The following PKD2L2 variants were observed in gnomAD, a reference collection of about 807,000 sequenced individuals.
PKD2L2 encodes the protein polycystin-2-like protein 2.
A neutral mutation model predicts 83.9 loss-of-function variants in PKD2L2; 67 were observed. That is an observed-to-expected ratio of 0.80 (90% confidence interval 0.66 to 0.98). PKD2L2 has a LOEUF of 0.98. PKD2L2 is among the 50% of genes least tolerant of loss of function. The pLI, the probability that PKD2L2 is intolerant of heterozygous loss-of-function variation, is 0.00. For synonymous variants in PKD2L2, 223 were observed against 237.8 expected (o/e 0.94, Z 0.57); for missense variants, 632 against 717.2 (o/e 0.88, Z 1.36).
chr5:137,908,815 CT>C lies in PKD2L2; in HGVS notation c.1199del (p.Leu400CysfsTer8), dbSNP rs1214156230. On this transcript the variant is annotated frameshift_variant, in exon 8 of 15. Coordinates refer to ENST00000508883, the MANE Select transcript of PKD2L2 (RefSeq NM_001300921.2). LOFTEE classifies it high-confidence loss of function. ...NKTMSQLSSTLSRCVKDIVGF... is the reference protein window; with the variant it reads ...NKTMSQLSSTXSRCVKDIVGF... ...AGACAATGTCTCAGCTGTCATCAACCTTGTCCCGTTGTGTTAAAGACATAGT... is the reference window on the plus strand; with the variant it reads ...AGACAATGTCTCAGCTGTCATCAACCTGTCCCGTTGTGTTAAAGACATAGT... 7.5e-6 allele frequency: 12 copies of C among 1,595,070 alleles called. No homozygotes were observed. The highest frequency in any genetic ancestry group is 1.7e-6 in the Non-Finnish European group (2 of 1,165,236).
rs191748428 is a variant in PKD2L2, at chr5:137,939,876, G to A, written c.*18-2508G>A. ...TTTCTTCAGTAATGAGAAACAAAAA[G>A]TTGGTAATAACAAAAAGCTTGCATT... On this transcript the variant is annotated intron_variant, in intron 14 of 14. Transcript: ENST00000508883. 1.2e-4 allele frequency: 154 copies of A among 1,333,182 alleles called. No homozygotes were observed. In the East Asian group the frequency reaches 3.8e-3, roughly 33 times the overall value. 82.6% of individuals were successfully genotyped at this position (1,333,182 alleles called of 1,614,324 possible). A position where few individuals can be genotyped will look rare whatever the true frequency, so the allele number is the denominator to read the frequency against.
chr5:137,892,681 G>A, intron 3 of PKD2L2, 68 bp downstream of exon 3: 1 of 1,167,464 alleles, frequency 8.6e-7, no homozygotes, highest in Non-Finnish European at 1.2e-6. Context: ...ATACACAGTG[G>A]GCACTCAATG....
chr5:137,941,306 G>A (rs1025311029), intron 14 of PKD2L2, among the ~76,000 whole-genome samples: 7 of 152,132 alleles, frequency 4.6e-5, no homozygotes, highest in African/African-American at 1.7e-4. Context: ...TGTAATATTA[G>A]CTATCAGCTT....
chr5:137,913,047 GTTTT>G (rs1041674073), intron 8 of PKD2L2, among the ~76,000 whole-genome samples: 5 of 150,908 alleles, frequency 3.3e-5, no homozygotes, highest in African/African-American at 1.2e-4. Context: ...TCATTTTTGT[GTTTT>G]TTTAGTGGAG....
chr5:137,890,274 T>C (rs555488584), intron 1 of PKD2L2: 10 of 412,952 alleles, frequency 2.4e-5, no homozygotes. Flanking sequence ...AGAGCTAGAC[T>C]CCGTCTCAAA....
intron 5 of PKD2L2, among the ~76,000 whole-genome samples, chr5:137,905,259 T>C (rs547709323): frequency 3.3e-5 from 5 of 152,344 alleles, no homozygotes; most frequent in South Asian, 2.1e-4. Flanking sequence ...TCAGTAGTTG[T>C]GTAGATGCAT....
intron 3 of PKD2L2, 138 bp from the exon 4 acceptor site, chr5:137,894,215 G>GCATTAC (rs1430933301): frequency 4.1e-6 from 3 of 735,298 alleles, no homozygotes; most frequent in Admixed American, 5.5e-5. Context: ...AGCTTCATTA[G>GCATTAC]CATTACCATT....
intron 4 of PKD2L2, among the ~76,000 whole-genome samples, chr5:137,895,723 C>A (rs557938393): frequency 8.6e-5 from 13 of 151,428 alleles, no homozygotes; most frequent in African/African-American, 2.9e-4. Context: ...ACTAAAAATA[C>A]AAAAATTAGT....
chr5:137,923,344 A>T, intron 9 of PKD2L2, 76 bp from the exon 10 acceptor site: 1 of 762,144 alleles, frequency 1.3e-6, no homozygotes. Flanking sequence ...TAATTTTACA[A>T]ACCCAAAACT....
chr5:137,934,106 G>GT (rs1260246729), intron 12 of PKD2L2, among the ~76,000 whole-genome samples: 1 of 152,194 alleles, frequency 6.6e-6, no homozygotes, highest in Non-Finnish European at 1.5e-5. Flanking sequence ...TTGCAGGAGT[G>GT]TAAGGGCCAA....
Position 137,921,015 on chromosome 5 carries a change from G to A in PKD2L2, c.1329-621G>A, listed in dbSNP as rs183859012. Among the ~76,000 whole-genome samples the A allele has an allele frequency of 4.3e-4, 66 of 152,302 alleles. 1 individual carries two copies. Among genetic ancestry groups the A allele is most frequent in the African/African-American group, 1.6e-3 (65 of 41,568 alleles). ...GTTTAGAAGGGCACAGGCACAGCCG[G>A]CCAAGGAGGCCACTGCCAAAACCAG... On this transcript the variant is annotated intron_variant, in intron 8 of 14. Transcript: ENST00000508883.
At chr5:137,924,064 G>A (rs1015665476) in intron 10 of PKD2L2, among the ~76,000 whole-genome samples, 2 of 152,054 alleles carry the variant, frequency 1.3e-5, no homozygotes, top group Non-Finnish European at 2.9e-5. Flanking sequence ...TTACATTTGT[G>A]GAATACTTTA....
intron 3 of PKD2L2, among the ~76,000 whole-genome samples, chr5:137,893,289 A>G (rs936425555): frequency 6.6e-6 from 1 of 152,124 alleles, no homozygotes; most frequent in South Asian, 2.1e-4. Flanking sequence ...TATATAATAA[A>G]ATTTATATAT....
At chr5:137,921,525 A>G (rs1758904672) in intron 8 of PKD2L2, 111 bp from the exon 9 acceptor site, 1 of 675,896 alleles carries the variant, frequency 1.5e-6, no homozygotes, top group East Asian at 2.6e-5. Context: ...TAAAGTCAGA[A>G]AGCATATACC....
rs1266584090 is a variant in PKD2L2 at position 137,920,244 on chromosome 5, C to T, written c.1329-1392C>T. On this transcript the variant is annotated intron_variant, in intron 8 of 14. Transcript: ENST00000508883. ...TCCAAATTTCCTCATAAAGAACACACACACATAATTTAAACTGATATTCCT... is the reference window on the plus strand; with the variant it reads ...TCCAAATTTCCTCATAAAGAACACATACACATAATTTAAACTGATATTCCT... Among the ~76,000 whole-genome samples the T allele has an allele frequency of 1.8e-4, 27 of 152,114 alleles. 2 individuals carry two copies. The highest frequency in any genetic ancestry group is 1.7e-3 in the Admixed American group (26 of 15,256).
intron 3 of PKD2L2, 31 bp downstream of exon 3, chr5:137,892,644 G>C: frequency 6.3e-7 from 1 of 1,592,782 alleles, no homozygotes; most frequent in Non-Finnish European, 8.6e-7. Context: ...GGATGAAGTA[G>C]ATTTAGGTAG....
At chr5:137,928,527 G>A (rs1237323097) in intron 12 of PKD2L2, among the ~76,000 whole-genome samples, 1 of 152,194 alleles carries the variant, frequency 6.6e-6, no homozygotes, top group Admixed American at 6.5e-5. Context: ...ACCTCCATGG[G>A]CTCAGGTGAT....
chr5:137,910,962 T>C (rs1757785431), intron 8 of PKD2L2, among the ~76,000 whole-genome samples: 1 of 152,200 alleles, frequency 6.6e-6, no homozygotes. Context: ...TTTATGGTGA[T>C]AAAATATATA....
chr5:137,922,599 G>A (rs768684722), intron 9 of PKD2L2, among the ~76,000 whole-genome samples: 2 of 151,882 alleles, frequency 1.3e-5, no homozygotes, highest in African/African-American at 2.4e-5. Flanking sequence ...TTAGCTAGGC[G>A]TGGTGATGTA....
Sources: gnomAD v4.1 joint callset for allele counts (sites outside exome capture counted in the v4.1 genomes callset) on GRCh38, gnomAD v4.1.1 for gene constraint, MANE v1.5 for transcripts, NCBI Gene and HGNC (gene_info 2026-07-23, HGNC 2026-07-21) for gene names.